CNTN3: variants seen among roughly 807,000 people sequenced by gnomAD.
CNTN3 encodes the protein contactin 3.
CNTN3 carries 60 observed loss-of-function variants against 119.1 expected under a neutral mutation model. The observed-to-expected ratio is 0.50, with a 90% confidence interval of 0.41 to 0.62. The LOEUF (loss-of-function observed/expected upper bound fraction) is 0.62. Among genes scored for constraint, CNTN3 ranks in the 20% least tolerant of loss-of-function variants. CNTN3 has a pLI of 0.00. For missense variants in CNTN3, 1,101 were observed against 1,242.4 expected, an observed-to-expected ratio of 0.89 and a Z score of 1.71; for synonymous variants, 450 against 438.7, an observed-to-expected ratio of 1.03 and a Z score of -0.32.
At position 74,365,417 on chromosome 3, in the gene CNTN3, T is replaced by G. The variant is rs573338184; in HGVS notation, c.1083+149A>C. 838 of 982,602 alleles carry G rather than the reference T, an allele frequency of 8.5e-4. 7 individuals carry two copies. In the South Asian group the frequency reaches 0.012, roughly 14 times the overall value. The allele number at this position is 982,602 out of a possible 1,614,324, so 60.9% of individuals were successfully genotyped here. ...GTACTTGATTTGATATTTTTCCTCCTGTACCACTGCTTAGAAGTAAAGGAA... is the reference window on the plus strand; with the variant it reads ...GTACTTGATTTGATATTTTTCCTCCGGTACCACTGCTTAGAAGTAAAGGAA... On this transcript the variant is annotated intron_variant, in intron 9 of 22. Coordinates refer to ENST00000263665, the MANE Select transcript of CNTN3 (RefSeq NM_020872.3).
rs1559680939 is a variant in CNTN3, at chr3:74,285,361, T to C, written c.2648A>G (p.Asn883Ser). 1 of 1,613,656 alleles carries C rather than the reference T, an allele frequency of 6.2e-7. No homozygotes were observed. Among genetic ancestry groups the C allele is most frequent in the Non-Finnish European group, 8.5e-7 (1 of 1,179,762 alleles). The stretch of plus-strand genomic sequence containing the variant: ...GCTAAAAGGCCCAGCGCCGGCACTG[T>C]TGTAAGCCCGGACAGCCGTGTAATA... The part of the protein sequence containing the change: ...LAYYTAVRAY[N>S]SAGAGPFSAT... Residue 883 changes from asparagine (N) to serine (S), a missense_variant, in exon 20 of 23, where the codon AAC (asparagine) becomes AGC (serine). Transcript: ENST00000263665.
chr3:74,481,216 G>A (rs1346389590), intron 4 of CNTN3, among the ~76,000 whole-genome samples: 1 of 151,822 alleles, frequency 6.6e-6, no homozygotes, highest in African/African-American at 2.4e-5. Flanking sequence ...CATCAGTAAT[G>A]ATATAGGTGA....
intron 5 of CNTN3, among the ~76,000 whole-genome samples, chr3:74,414,210 A>C (rs566366665): frequency 6.6e-6 from 1 of 152,314 alleles, no homozygotes; most frequent in African/African-American, 2.4e-5. Context: ...TTTTAAAATT[A>C]TCCTCATACT....
intron 4 of CNTN3, among the ~76,000 whole-genome samples, chr3:74,447,520 T>C (rs1214461631): frequency 6.6e-6 from 1 of 152,180 alleles, no homozygotes; most frequent in Non-Finnish European, 1.5e-5. Context: ...AAAAGATGGC[T>C]CTTGTCAATT....
intron 16 of CNTN3, 101 bp from the exon 17 acceptor site, chr3:74,300,039 C>A: frequency 3.1e-6 from 2 of 643,494 alleles, no homozygotes; most frequent in Admixed American, 7.2e-5. Flanking sequence ...ATAATTTCAT[C>A]ATTGGCACAT....
At chr3:74,449,207 C>T (rs1702102510) in intron 4 of CNTN3, among the ~76,000 whole-genome samples, 1 of 151,824 alleles carries the variant, frequency 6.6e-6, no homozygotes, top group East Asian at 1.9e-4. Context: ...TGTGCCTGCT[C>T]TGGGGCCATT....
chr3:74,406,319 A>C (rs959487630), intron 5 of CNTN3, among the ~76,000 whole-genome samples: 9 of 152,124 alleles, frequency 5.9e-5, no homozygotes, highest in Admixed American at 3.3e-4. Flanking sequence ...AACTACAACG[A>C]TAATTTTAAA....
intron 4 of CNTN3, among the ~76,000 whole-genome samples, chr3:74,437,423 C>T (rs982514959): frequency 6.6e-6 from 1 of 152,062 alleles, no homozygotes; most frequent in Non-Finnish European, 1.5e-5. Context: ...GATCGCACCA[C>T]TGCACTCCAA....
chr3:74,428,127 G>A (rs1263210571), intron 4 of CNTN3, among the ~76,000 whole-genome samples: 1 of 152,088 alleles, frequency 6.6e-6, no homozygotes, highest in Non-Finnish European at 1.5e-5. Context: ...CTACTATGCT[G>A]CCAGTCATAT....
intron 1 of CNTN3, among the ~76,000 whole-genome samples, chr3:74,534,133 T>C (rs1305121924): frequency 1.3e-5 from 2 of 152,032 alleles, no homozygotes; most frequent in Non-Finnish European, 2.9e-5. Flanking sequence ...CATGTTCTGC[T>C]CTCATACAAC....
At chr3:74,587,305 C>T (rs771864051) in intron 1 of CNTN3, among the ~76,000 whole-genome samples, 11 of 152,004 alleles carry the variant, frequency 7.2e-5, no homozygotes, top group Non-Finnish European at 1.6e-4. Context: ...AACTATACAC[C>T]ACTTTGAATA....
intron 4 of CNTN3, among the ~76,000 whole-genome samples, chr3:74,449,630 T>C (rs1014753623): frequency 6.6e-6 from 1 of 152,084 alleles, no homozygotes; most frequent in Non-Finnish European, 1.5e-5. Context: ...CTTTTGAAAC[T>C]GCAGAAAGCG....
intron 11 of CNTN3, among the ~76,000 whole-genome samples, chr3:74,358,440 TAA>T (rs748434044): frequency 1.6e-4 from 21 of 135,420 alleles, no homozygotes; most frequent in African/African-American, 3.0e-4. Flanking sequence ...TTCCCGTCCA[TAA>T]AAAAAAAAAA....
At chr3:74,509,895 T>C (rs1703334289) in intron 2 of CNTN3, among the ~76,000 whole-genome samples, 1 of 152,062 alleles carries the variant, frequency 6.6e-6, no homozygotes, top group Admixed American at 6.6e-5. Flanking sequence ...CATTATCCTA[T>C]AATATATTAC....
At chr3:74,483,446 T>C (rs1702798227) in intron 4 of CNTN3, among the ~76,000 whole-genome samples, 1 of 152,042 alleles carries the variant, frequency 6.6e-6, no homozygotes, top group Non-Finnish European at 1.5e-5. Context: ...TTTTGCTGGG[T>C]GTGCCAAGAA....
chr3:74,443,481 G>T (rs1188552334), intron 4 of CNTN3, among the ~76,000 whole-genome samples: 1 of 151,994 alleles, frequency 6.6e-6, no homozygotes, highest in African/African-American at 2.4e-5. Flanking sequence ...TCCTTCAGTG[G>T]CTGCCCACCA....
intron 5 of CNTN3, among the ~76,000 whole-genome samples, chr3:74,382,236 T>C (rs920010037): frequency 2.4e-4 from 36 of 152,198 alleles, no homozygotes; most frequent in African/African-American, 8.2e-4. Context: ...GCAATGTTTA[T>C]CTATAATTGA....
chr3:74,386,753 GATAATGC>G (rs1451825015), intron 5 of CNTN3, among the ~76,000 whole-genome samples: 1 of 152,168 alleles, frequency 6.6e-6, no homozygotes. Flanking sequence ...GATTAAATAA[GATAATGC>G]ATACCAAGTC....
At chr3:74,316,325 G>A (rs1702829743) in intron 13 of CNTN3, among the ~76,000 whole-genome samples, 1 of 152,064 alleles carries the variant, frequency 6.6e-6, no homozygotes, top group Non-Finnish European at 1.5e-5. Context: ...TTGTTAAAAA[G>A]TAAAAAAATA....
Sources: allele counts gnomAD v4.1 joint callset (sites outside exome capture counted in the v4.1 genomes callset), GRCh38; gene constraint gnomAD v4.1.1; transcripts MANE v1.5; gene names NCBI Gene and HGNC (gene_info 2026-07-23, HGNC 2026-07-21).